The following SOX6 variants were observed in gnomAD, a reference collection of about 807,000 sequenced individuals.
SOX6 encodes the protein transcription factor SOX-6.
SOX6 carries 11 observed loss-of-function variants against 97.8 expected under a neutral mutation model. The ratio of observed to expected loss-of-function variants is 0.11; its 90% CI spans 0.07 to 0.19. The LOEUF is 0.19. Ranked by LOEUF, SOX6 falls within the 10% of genes least tolerant of loss-of-function variation. The pLI, the probability that SOX6 is intolerant of heterozygous loss-of-function variation, is 1.00. For missense variants in SOX6, 810 were observed against 1,039.5 expected (o/e 0.78, Z 3.04); for synonymous variants, 360 against 371.4 (o/e 0.97, Z 0.35).
At chr11:16,348,841 C>A (rs1286990209) in intron 1 of SOX6, among the ~76,000 whole-genome samples, 1 of 152,102 alleles carries the variant, frequency 6.6e-6, no homozygotes, top group Non-Finnish European at 1.5e-5. Flanking sequence ...TCGTTTTCGT[C>A]TTCTAAAGTA....
At chr11:16,371,671 T>C (rs1231169659) in intron 1 of SOX6, among the ~76,000 whole-genome samples, 1 of 152,162 alleles carries the variant, frequency 6.6e-6, no homozygotes, top group East Asian at 1.9e-4. Context: ...AGACACATTA[T>C]GTGATACATG....
chr11:16,371,607 G>A (rs1857496263), intron 1 of SOX6, among the ~76,000 whole-genome samples: 2 of 152,032 alleles, frequency 1.3e-5, no homozygotes, highest in South Asian at 2.1e-4. Flanking sequence ...AGTAAACACT[G>A]TTGAATAAAA....
intron 1 of SOX6, among the ~76,000 whole-genome samples, chr11:16,422,817 A>T (rs183900370): frequency 4.0e-5 from 6 of 151,874 alleles, no homozygotes; most frequent in Admixed American, 2.6e-4. Flanking sequence ...AAAAACCTTT[A>T]TTTTTTTTCT....
intron 4 of SOX6, among the ~76,000 whole-genome samples, chr11:16,492,997 C>T (rs1296849983): frequency 6.6e-6 from 1 of 152,130 alleles, no homozygotes; most frequent in Non-Finnish European, 1.5e-5. Context: ...ACAACAGGAA[C>T]TCTCATACTC....
intron 6 of SOX6, among the ~76,000 whole-genome samples, chr11:16,155,671 G>T (rs1442994420): frequency 6.6e-6 from 1 of 152,050 alleles, no homozygotes; most frequent in Non-Finnish European, 1.5e-5. Context: ...ATACTTAGTG[G>T]CAGTCTAGTG....
At chr11:16,229,408 G>A (rs541876108) in intron 4 of SOX6, among the ~76,000 whole-genome samples, 11 of 151,998 alleles carry the variant, frequency 7.2e-5, no homozygotes, top group Non-Finnish European at 1.5e-4. Context: ...AGAATAACAG[G>A]AAAGGAGAGA....
chr11:16,231,228 T>C (rs2134171200), intron 4 of SOX6, among the ~76,000 whole-genome samples: 1 of 151,742 alleles, frequency 6.6e-6, no homozygotes, highest in East Asian at 1.9e-4. Flanking sequence ...AAATGCAACA[T>C]ATATCACAAA....
intron 3 of SOX6, among the ~76,000 whole-genome samples, chr11:16,306,805 T>C (rs1389687978): frequency 6.6e-6 from 1 of 151,938 alleles, no homozygotes; most frequent in African/African-American, 2.4e-5. Flanking sequence ...TTTGTATATT[T>C]AGTAGAGACG....
At chr11:16,724,597 C>T (rs190673376) in intron 2 of SOX6, among the ~76,000 whole-genome samples, 11 of 152,194 alleles carry the variant, frequency 7.2e-5, no homozygotes, top group Non-Finnish European at 1.3e-4. Context: ...AAATCAGAAA[C>T]TCTGGGGTAG....
chr11:16,220,965 T>C lies in SOX6; in HGVS notation c.535+13617A>G, dbSNP rs4756845. 2.3e-3 allele frequency among the ~76,000 whole-genome samples: 346 copies of C among 152,112 alleles called. 3 individuals carry two copies. The highest frequency in any genetic ancestry group is 7.5e-3 in the Admixed American group (115 of 15,260). ...TAACTTCATTCAGAGTTTCATAGAA[T>C]CTCTGAAGTCTTAAATGTGACTAAG... On this transcript the variant is annotated intron_variant, in intron 4 of 15. Coordinates refer to ENST00000683767, the MANE Select transcript of SOX6 (RefSeq NM_001367873.1).
At chr11:16,286,518 A>G (rs980968356) in intron 3 of SOX6, among the ~76,000 whole-genome samples, 3 of 152,180 alleles carry the variant, frequency 2.0e-5, no homozygotes, top group Non-Finnish European at 4.4e-5. Context: ...CTCTCTATAT[A>G]GCATATACTT....
At chr11:16,334,420 G>C (rs539017168) in intron 2 of SOX6, among the ~76,000 whole-genome samples, 1 of 130,778 alleles carries the variant, frequency 7.6e-6, no homozygotes, top group Admixed American at 8.8e-5. Context: ...TCCAGAGCAT[G>C]TTAATGTCTC....
At chr11:16,718,996 AAG>A (rs1218850509) in intron 2 of SOX6, among the ~76,000 whole-genome samples, 5 of 150,718 alleles carry the variant, frequency 3.3e-5, no homozygotes, top group Admixed American at 6.6e-5. Flanking sequence ...AAAAAAAAAA[AAG>A]AGAGAGACAG....
intron 6 of SOX6, among the ~76,000 whole-genome samples, chr11:16,112,166 GTTAATGGTTTTC>G (rs1564960930): frequency 6.6e-6 from 1 of 152,096 alleles, no homozygotes; most frequent in Non-Finnish European, 1.5e-5. Context: ...CCGAACTGTA[GTTAATGGTTTTC>G]TTTTCTCTTG....
At chr11:16,514,541 T>G (rs1046309845) in intron 4 of SOX6, among the ~76,000 whole-genome samples, 1 of 148,572 alleles carries the variant, frequency 6.7e-6, no homozygotes, top group African/African-American at 2.5e-5. Context: ...TGTGTCAGAG[T>G]TTTTTTTTTC....
chr11:16,364,472 C>G (rs1204082111), intron 1 of SOX6, among the ~76,000 whole-genome samples: 2 of 152,074 alleles, frequency 1.3e-5, no homozygotes, highest in Non-Finnish European at 2.9e-5. Flanking sequence ...AGAGGTTGCA[C>G]AAGAGCACTA....
chr11:15,992,069 G>T (rs1184142518), intron 13 of SOX6, among the ~76,000 whole-genome samples: 1 of 152,182 alleles, frequency 6.6e-6, no homozygotes, highest in African/African-American at 2.4e-5. Flanking sequence ...CACATGTAAT[G>T]CTTCCAGAAG....
At chr11:16,441,944 G>A (rs1490580791) in intron 1 of SOX6, among the ~76,000 whole-genome samples, 1 of 152,168 alleles carries the variant, frequency 6.6e-6, no homozygotes, top group Non-Finnish European at 1.5e-5. Flanking sequence ...TCCCTTGGGT[G>A]CAACAAACTT....
At chr11:16,543,416 A>AC (rs1491414496) in intron 4 of SOX6, among the ~76,000 whole-genome samples, 1 of 151,810 alleles carries the variant, frequency 6.6e-6, no homozygotes, top group Non-Finnish European at 1.5e-5. Flanking sequence ...AAAAAAAAAA[A>AC]TCATCTTCAT....
Sources: gnomAD v4.1 joint callset for allele counts (sites outside exome capture counted in the v4.1 genomes callset) on GRCh38, gnomAD v4.1.1 for gene constraint, MANE v1.5 for transcripts, NCBI Gene and HGNC (gene_info 2026-07-23, HGNC 2026-07-21) for gene names.